Variants in GRIN2B observed in about 807,000 individuals in gnomAD.
GRIN2B encodes glutamate ionotropic receptor NMDA type subunit 2B.
Under a neutral mutation model 114.5 loss-of-function variants are expected in GRIN2B, and 5 were observed. That is an observed-to-expected ratio of 0.04 (90% CI 0.02 to 0.09). The LOEUF is 0.09. GRIN2B is among the 10% of genes least tolerant of loss of function. The probability of loss-of-function intolerance (pLI) is 1.00; values close to 1 mark genes in which losing one functional copy is unlikely to be tolerated. For synonymous variants in GRIN2B, 787 were observed against 745.1 expected (o/e 1.06, Z -0.92); for missense variants, 1,108 against 1,943.5 (o/e 0.57, Z 8.08).
At chr12:13,958,717 C>T (rs749765150) in intron 2 of GRIN2B, among the ~76,000 whole-genome samples, 8 of 152,156 alleles carry the variant, frequency 5.3e-5, no homozygotes, top group South Asian at 2.1e-4. Context: ...ACTCTTCCTC[C>T]TCCATGTTCT....
At chr12:13,700,169 G>T (rs1591683924) in intron 4 of GRIN2B, among the ~76,000 whole-genome samples, 1 of 152,122 alleles carries the variant, frequency 6.6e-6, no homozygotes, top group Non-Finnish European at 1.5e-5. Flanking sequence ...CATCTGCACA[G>T]TAAGTACACT....
chr12:13,710,655 A>T (rs1950405565), intron 4 of GRIN2B, among the ~76,000 whole-genome samples: 1 of 152,152 alleles, frequency 6.6e-6, no homozygotes, highest in Admixed American at 6.5e-5. Context: ...TAAAATACCT[A>T]GGAATCCAAC....
At chr12:13,703,750 C>T (rs926922216) in intron 4 of GRIN2B, among the ~76,000 whole-genome samples, 3 of 152,030 alleles carry the variant, frequency 2.0e-5, no homozygotes, top group Non-Finnish European at 4.4e-5. Context: ...TGCAATAAAC[C>T]TTTTCCTTAT....
In GRIN2B at chr12:13,753,012, T is replaced by C. The variant is rs559869746; in HGVS notation, c.1010+305A>G. 3.3e-5 allele frequency among the ~76,000 whole-genome samples: 5 copies of C among 152,342 alleles called. No individual in the cohort carries two copies. The highest frequency in any genetic ancestry group is 1.2e-4 in the African/African-American group (5 of 41,580). ...ACACCTCCAAGCCTATTCTTTCGTA[T>C]TGTAAAATAGAAACAATTGTTAAAA... is the stretch of plus-strand genomic sequence containing the variant. On this transcript the variant is annotated intron_variant, in intron 4 of 13. Transcript: ENST00000609686. The surrounding 1 kb of genome is among the most constrained non-coding windows in gnomAD (Gnocchi z 6.2).
chr12:13,865,583 G>C (rs894716534), intron 3 of GRIN2B, among the ~76,000 whole-genome samples: 1 of 152,156 alleles, frequency 6.6e-6, no homozygotes, highest in African/African-American at 2.4e-5. Flanking sequence ...AGTGAGCCGA[G>C]ATGGCATCAT....
chr12:13,630,039 G>C (rs899444634), intron 5 of GRIN2B, among the ~76,000 whole-genome samples: 4 of 152,286 alleles, frequency 2.6e-5, no homozygotes, highest in African/African-American at 7.2e-5. Context: ...GTCTCCTCCA[G>C]TAGACTATGA....
intron 5 of GRIN2B, among the ~76,000 whole-genome samples, chr12:13,626,634 A>G (rs1949569854): frequency 6.6e-6 from 1 of 152,164 alleles, no homozygotes; most frequent in Non-Finnish European, 1.5e-5. Context: ...TTGTCATATT[A>G]GTAAGGAACA....
intron 3 of GRIN2B, among the ~76,000 whole-genome samples, chr12:13,830,105 T>G (rs1865119588): frequency 6.6e-6 from 1 of 152,200 alleles, no homozygotes; most frequent in South Asian, 2.1e-4. Context: ...ACAAGCTGAA[T>G]ATAGGAGATA....
chr12:13,742,800 T>C (rs1863309327), intron 4 of GRIN2B, among the ~76,000 whole-genome samples: 1 of 152,216 alleles, frequency 6.6e-6, no homozygotes, highest in South Asian at 2.1e-4. Flanking sequence ...TATTTCCCAA[T>C]TTTGCTTGTT....
intron 5 of GRIN2B, among the ~76,000 whole-genome samples, chr12:13,637,246 G>T (rs1190854776): frequency 6.6e-6 from 1 of 152,154 alleles, no homozygotes; most frequent in Non-Finnish European, 1.5e-5. Flanking sequence ...AAAATAGGCA[G>T]AGTTGCAGGG....
In GRIN2B at chr12:13,558,013, A is replaced by C. The variant is rs1408309998; in HGVS notation, c.*4770T>G. ...AAGACCTTTTCAGGACCTTCAACACACCATGGACCACATAGCATACATAAG... is the reference window on the plus strand; with the variant it reads ...AAGACCTTTTCAGGACCTTCAACACCCCATGGACCACATAGCATACATAAG... On this transcript the variant is annotated 3_prime_UTR_variant, in exon 14 of 14. Transcript: ENST00000609686. The C allele has an allele frequency of 6.6e-6, 1 of 152,204 alleles. No individual in the cohort carries two copies. Among genetic ancestry groups the C allele is most frequent in the Non-Finnish European group, 1.5e-5 (1 of 68,040 alleles). The allele number at this position is 152,204 out of a possible 1,614,324, so 9.4% of individuals were successfully genotyped here. A position where few individuals can be genotyped will look rare whatever the true frequency, so the allele number is the denominator to read the frequency against.
Position 13,571,792 on chromosome 12 carries a change from A to G in GRIN2B, c.2171+12T>C, listed in dbSNP as rs1297549576. On this transcript the variant is annotated intron_variant, in intron 11 of 13. Transcript: ENST00000609686. The stretch of plus-strand genomic sequence containing the variant: ...ACAGATCAAGGACTCTGAGCTTGGA[A>G]GCAGTTCTTACCCTGTTTTCAGGGA... The G allele has an allele frequency of 6.2e-7, 1 of 1,613,912 alleles. No homozygotes were observed. Among genetic ancestry groups the G allele is most frequent in the African/African-American group, 1.3e-5 (1 of 75,062 alleles).
intron 3 of GRIN2B, among the ~76,000 whole-genome samples, chr12:13,774,720 G>T (rs549128920): frequency 4.6e-5 from 7 of 152,198 alleles, no homozygotes; most frequent in African/African-American, 1.7e-4. Context: ...CCTTTTAAAC[G>T]CATAACATGC....
intron 5 of GRIN2B, among the ~76,000 whole-genome samples, chr12:13,672,071 C>T (rs1192054657): frequency 6.6e-6 from 1 of 152,054 alleles, no homozygotes; most frequent in Non-Finnish European, 1.5e-5. Flanking sequence ...AGGAGCTATG[C>T]CCTTCAAAAC....
At chr12:13,922,286 G>A (rs780826178) in intron 2 of GRIN2B, among the ~76,000 whole-genome samples, 5 of 152,154 alleles carry the variant, frequency 3.3e-5, no homozygotes, top group Non-Finnish European at 7.3e-5. Flanking sequence ...TAGCCAGAGT[G>A]GCAGATAGCA....
At chr12:13,734,140 C>T (rs933142425) in intron 4 of GRIN2B, among the ~76,000 whole-genome samples, 4 of 152,090 alleles carry the variant, frequency 2.6e-5, no homozygotes, top group Admixed American at 2.0e-4. Context: ...AATGAAGCCC[C>T]CATAGGTACT....
rs2136382281 is a variant in GRIN2B at position 13,545,359 on chromosome 12, A to G, written c.*17424T>C. 1 of 152,230 alleles carries G rather than the reference A, an allele frequency of 6.6e-6. No individual in the cohort carries two copies. Among genetic ancestry groups the G allele is most frequent in the East Asian group, 1.9e-4 (1 of 5,186 alleles). The allele number at this position is 152,230 out of a possible 1,614,324, so 9.4% of individuals were successfully genotyped here. On this transcript the variant is annotated 3_prime_UTR_variant, in exon 14 of 14. Transcript: ENST00000609686. Reference sequence around the variant, plus strand: ...TTTGCTTTTTTGTCCATTTCCTCTCATCAACATACAAACTTCAAGAGGGTA... The same window carrying G: ...TTTGCTTTTTTGTCCATTTCCTCTCGTCAACATACAAACTTCAAGAGGGTA...
At chr12:13,772,128 G>C (rs1863918450) in intron 3 of GRIN2B, among the ~76,000 whole-genome samples, 1 of 152,198 alleles carries the variant, frequency 6.6e-6, no homozygotes, top group Non-Finnish European at 1.5e-5. Context: ...TGATTCCACT[G>C]TTCCATAAAA....
chr12:13,676,692 T>G (rs1020344124), intron 4 of GRIN2B, among the ~76,000 whole-genome samples: 6 of 151,834 alleles, frequency 4.0e-5, no homozygotes, highest in African/African-American at 1.5e-4. Flanking sequence ...GAGCCTAGAG[T>G]CTCCCTCTAT....
Sources: gnomAD v4.1 joint callset for allele counts (sites outside exome capture counted in the v4.1 genomes callset) on GRCh38, gnomAD v4.1.1 for gene constraint, Gnocchi (gnomAD v3.1) non-coding constraint, MANE v1.5 for transcripts, NCBI Gene and HGNC (gene_info 2026-07-23, HGNC 2026-07-21) for gene names.